Variants in XKR9 observed in about 807,000 individuals in gnomAD.
XKR9 encodes XK related 9, also known as XK-related protein 9.
In XKR9, 32 loss-of-function variants were observed where a neutral mutation model predicts 32.0. The observed-to-expected ratio is 1.00, with a 90% CI of 0.76 to 1.34. The LOEUF (loss-of-function observed/expected upper bound fraction) is 1.34, where lower values mean the gene tolerates loss of function less well. Among genes scored for constraint, XKR9 ranks in the 40% most tolerant of loss-of-function variants. XKR9 has a pLI of 0.00. For missense variants in XKR9, 546 were observed against 429.7 expected (o/e 1.27, Z -2.39); for synonymous variants, 168 against 143.4 (o/e 1.17, Z -1.22).
chr8:70,908,941 G>C, the XKR9 span, among the ~76,000 whole-genome samples: 1 of 152,162 alleles, frequency 6.6e-6, no homozygotes, highest in Non-Finnish European at 1.5e-5. Flanking sequence ...TAACTCTGGA[G>C]ACTCTGATTC....
intron 4 of XKR9, among the ~76,000 whole-genome samples, chr8:70,724,371 C>T (rs563871453): frequency 6.6e-6 from 1 of 151,874 alleles, no homozygotes; most frequent in Non-Finnish European, 1.5e-5. Context: ...GGCTTCAGTT[C>T]CCTTTCCAGG....
the XKR9 span, among the ~76,000 whole-genome samples, chr8:70,994,021 G>T: frequency 6.6e-6 from 1 of 152,106 alleles, no homozygotes; most frequent in South Asian, 2.1e-4. Flanking sequence ...TCTTCACAGA[G>T]ACTGGCCCTC....
chr8:70,932,589 A>G, the XKR9 span, among the ~76,000 whole-genome samples: 1 of 152,174 alleles, frequency 6.6e-6, no homozygotes, highest in East Asian at 1.9e-4. Context: ...TTATAACAAA[A>G]TACTACAGGT....
the XKR9 span, among the ~76,000 whole-genome samples, chr8:70,808,197 T>A: frequency 1.3e-5 from 2 of 152,034 alleles, no homozygotes; most frequent in African/African-American, 4.8e-5. Flanking sequence ...AAGGCAACAA[T>A]CAAGAAGTTT....
the XKR9 span, among the ~76,000 whole-genome samples, chr8:70,916,393 C>T: frequency 1.3e-5 from 2 of 152,194 alleles, no homozygotes; most frequent in African/African-American, 4.8e-5. Context: ...ACTACAGTGC[C>T]ATCTTTGACA....
chr8:70,878,911 C>T, the XKR9 span, among the ~76,000 whole-genome samples: 2 of 152,156 alleles, frequency 1.3e-5, no homozygotes, highest in Non-Finnish European at 2.9e-5. Context: ...GGAAGTAAAG[C>T]ACTCCTCAGC....
chr8:70,960,665 C>A, the XKR9 span, among the ~76,000 whole-genome samples: 1 of 151,902 alleles, frequency 6.6e-6, no homozygotes, highest in South Asian at 2.1e-4. Context: ...ATTGCTTGAA[C>A]CCAGGAGTTT....
At chr8:70,765,604 G>C (rs11993453) in intron 2 of XKR9, among the ~76,000 whole-genome samples, 61,273 of 152,068 alleles carry the variant, frequency 0.4, 13,873 homozygotes, top group Non-Finnish European at 0.52. Context: ...TGTGGAAGCT[G>C]TTTAATTACA....
intron 4 of XKR9, among the ~76,000 whole-genome samples, chr8:70,726,342 C>T (rs1157456447): frequency 1.3e-5 from 2 of 152,246 alleles, no homozygotes; most frequent in Non-Finnish European, 2.9e-5. Flanking sequence ...TAATTTTGTT[C>T]GTGCCTGAAT....
chr8:70,826,424 A>G, the XKR9 span, among the ~76,000 whole-genome samples: 1 of 151,574 alleles, frequency 6.6e-6, no homozygotes, highest in Non-Finnish European at 1.5e-5. Flanking sequence ...ACATAATTAG[A>G]TAACTTAATT....
chr8:71,055,507 G>A, the XKR9 span, among the ~76,000 whole-genome samples: 2 of 152,154 alleles, frequency 1.3e-5, no homozygotes, highest in African/African-American at 4.8e-5. Context: ...TAGGCATCAA[G>A]AGATTAATGA....
the XKR9 span, among the ~76,000 whole-genome samples, chr8:70,955,175 A>G: frequency 6.6e-6 from 1 of 152,164 alleles, no homozygotes; most frequent in Non-Finnish European, 1.5e-5. Context: ...GTGCTTTAAA[A>G]TGAGGATCAG....
chr8:70,837,579 A>G, the XKR9 span, among the ~76,000 whole-genome samples: 1 of 152,064 alleles, frequency 6.6e-6, no homozygotes, highest in South Asian at 2.1e-4. Flanking sequence ...GGCTGAAAGG[A>G]CAAGATGTAT....
At chr8:70,986,630 C>T in the XKR9 span, among the ~76,000 whole-genome samples, 3 of 152,276 alleles carry the variant, frequency 2.0e-5, no homozygotes, top group Admixed American at 2.0e-4. Flanking sequence ...TTATTGGGTC[C>T]AGTGAAAGCT....
chr8:70,716,194 G>T (rs1586849527), intron 4 of XKR9, among the ~76,000 whole-genome samples: 1 of 152,002 alleles, frequency 6.6e-6, no homozygotes, highest in South Asian at 2.1e-4. Context: ...TAATTAGAGG[G>T]TTATGAAAAC....
At chr8:70,929,446 A>C in the XKR9 span, among the ~76,000 whole-genome samples, 3 of 152,202 alleles carry the variant, frequency 2.0e-5, no homozygotes, top group Admixed American at 2.0e-4. Context: ...CTATTTAATT[A>C]GTTAAGCCAG....
chr8:70,844,915 C>T, the XKR9 span, among the ~76,000 whole-genome samples: 1 of 152,234 alleles, frequency 6.6e-6, no homozygotes, highest in Non-Finnish European at 1.5e-5. Flanking sequence ...CAAGGATCTG[C>T]CTACCTACCT....
At chr8:70,756,289 T>A (rs1563470046) in intron 2 of XKR9, among the ~76,000 whole-genome samples, 1 of 152,184 alleles carries the variant, frequency 6.6e-6, no homozygotes, top group Non-Finnish European at 1.5e-5. Flanking sequence ...AGTTTTGAAA[T>A]TGGAAAATGT....
the XKR9 span, among the ~76,000 whole-genome samples, chr8:70,818,769 A>T: frequency 6.6e-6 from 1 of 152,186 alleles, no homozygotes; most frequent in African/African-American, 2.4e-5. Flanking sequence ...CCATTTTTAC[A>T]TACCTCTGCT....
Sources: gnomAD v4.1 joint callset for allele counts (sites outside exome capture counted in the v4.1 genomes callset) on GRCh38, gnomAD v4.1.1 for gene constraint, MANE v1.5 for transcripts, NCBI Gene and HGNC (gene_info 2026-07-23, HGNC 2026-07-21) for gene names.